The following KHDC1 variants were observed in gnomAD, a reference collection of about 807,000 sequenced individuals.
KHDC1 encodes KH homology domain-containing protein 1.
In KHDC1, 21 loss-of-function variants were observed where a neutral mutation model predicts 24.7. The ratio of observed to expected loss-of-function variants is 0.85; its 90% confidence interval spans 0.60 to 1.23. The LOEUF (loss-of-function observed/expected upper bound fraction) is 1.23. Ranked by LOEUF, KHDC1 falls within the 50% of genes most tolerant of loss-of-function variation. The pLI, the probability that KHDC1 is intolerant of heterozygous loss-of-function variation, is 0.00. For synonymous variants in KHDC1, 98 were observed against 111.7 expected, an observed-to-expected ratio of 0.88 and a Z score of 0.77; for missense variants, 274 against 298.5, an observed-to-expected ratio of 0.92 and a Z score of 0.61.
intron 2 of KHDC1, among the ~76,000 whole-genome samples, chr6:73,285,649 C>CTTTTTTTTTTTTTTTTTTTTTTTTTT (rs539979246): frequency 7.7e-6 from 1 of 130,074 alleles, no homozygotes; most frequent in African/African-American, 2.9e-5. Flanking sequence ...TCTTTTTTTT[C>CTTTTTTTTTTTTTTTTTTTTTTTTTT]TTTTTTTTTT....
intron 1 of KHDC1, among the ~76,000 whole-genome samples, chr6:73,296,339 G>C (rs1767759102): frequency 6.6e-6 from 1 of 151,230 alleles, no homozygotes; most frequent in Admixed American, 6.6e-5. Context: ...TCTAGTCCCA[G>C]CTACTCAGGA....
At chr6:73,259,168 G>T (rs951643062) in intron 2 of KHDC1, among the ~76,000 whole-genome samples, 1 of 151,334 alleles carries the variant, frequency 6.6e-6, no homozygotes, top group Admixed American at 6.6e-5. Flanking sequence ...TTGAGATTCA[G>T]ATAGTGTTTT....
intron 2 of KHDC1, chr6:73,268,376 GC>G (rs1378560099): frequency 6.5e-6 from 1 of 153,652 alleles, no homozygotes; most frequent in Non-Finnish European, 1.4e-5. Context: ...AAGCAGTGTG[GC>G]CCCAAAGAGT....
intron 2 of KHDC1, among the ~76,000 whole-genome samples, chr6:73,254,458 C>T (rs1766841491): frequency 7.6e-6 from 1 of 131,386 alleles, no homozygotes. Context: ...GAGACTCTGT[C>T]TTAAAATAAA....
chr6:73,272,104 C>T (rs115049326), intron 2 of KHDC1, among the ~76,000 whole-genome samples: 2,285 of 151,570 alleles, frequency 0.015, 24 homozygotes, highest in East Asian at 0.056. Context: ...CTCTAAAGGT[C>T]CACCAGAAAA....
chr6:73,270,498 T>C (rs1767159487), intron 2 of KHDC1: 1 of 151,962 alleles, frequency 6.6e-6, no homozygotes. Context: ...AGAAAAATAA[T>C]AATTACATCT....
intron 2 of KHDC1, among the ~76,000 whole-genome samples, chr6:73,266,845 G>A (rs948097029): frequency 1.3e-5 from 2 of 152,154 alleles, no homozygotes; most frequent in Non-Finnish European, 2.9e-5. Context: ...AAAAATATTT[G>A]CAAATCATGT....
At chr6:73,269,693 G>A (rs1246353639) in intron 2 of KHDC1, 2 of 152,124 alleles carry the variant, frequency 1.3e-5, no homozygotes, top group South Asian at 2.1e-4. Context: ...ATTCGATTTA[G>A]GTTGTTAGGT....
At chr6:73,299,885 C>A (rs1198533030) in intron 1 of KHDC1, 1 of 152,290 alleles carries the variant, frequency 6.6e-6, no homozygotes, top group African/African-American at 2.4e-5. Flanking sequence ...GGAGGGGATT[C>A]TTTTCCTGGG....
intron 2 of KHDC1, among the ~76,000 whole-genome samples, chr6:73,272,000 C>CT (rs1767187970): frequency 4.1e-5 from 6 of 145,392 alleles, no homozygotes; most frequent in African/African-American, 1.5e-4. Flanking sequence ...TAGTGTAATC[C>CT]CATTTAAAAA....
At chr6:73,256,590 A>G (rs1011340115) in intron 2 of KHDC1, among the ~76,000 whole-genome samples, 1 of 152,222 alleles carries the variant, frequency 6.6e-6, no homozygotes, top group Admixed American at 6.5e-5. Context: ...TCTGCCAAAC[A>G]TAGCTGGTGT....
intron 2 of KHDC1, among the ~76,000 whole-genome samples, chr6:73,259,936 T>C: frequency 6.6e-6 from 1 of 152,222 alleles, no homozygotes. Context: ...CTTGCTGTAG[T>C]CCTGCCTTCA....
chr6:73,269,325 G>GC (rs1767140284), intron 2 of KHDC1: 1 of 153,062 alleles, frequency 6.5e-6, no homozygotes, highest in South Asian at 2.1e-4. Flanking sequence ...CTCCCACAGT[G>GC]CAGCGGTGGG....
At chr6:73,309,518 A>G in intron 1 of KHDC1, 1 of 1,487,780 alleles carries the variant, frequency 6.7e-7, no homozygotes, top group Non-Finnish European at 8.9e-7. Flanking sequence ...GGGTGAAGGA[A>G]GCTTTTCCTA....
chr6:73,249,405 A>C (rs755006346), intron 2 of KHDC1, among the ~76,000 whole-genome samples: 1 of 152,212 alleles, frequency 6.6e-6, no homozygotes, highest in African/African-American at 2.4e-5. Context: ...TTATTCATGC[A>C]TAATTATGAA....
chr6:73,297,045 C>G (rs1340821808), intron 1 of KHDC1, among the ~76,000 whole-genome samples: 4 of 152,024 alleles, frequency 2.6e-5, no homozygotes, highest in African/African-American at 9.7e-5. Flanking sequence ...AGATTACAGG[C>G]ACGTGCCACC....
chr6:73,290,201 C>T (rs930657554), intron 2 of KHDC1, among the ~76,000 whole-genome samples: 1 of 151,196 alleles, frequency 6.6e-6, no homozygotes, highest in Non-Finnish European at 1.5e-5. Flanking sequence ...CGCTTGAACC[C>T]GGGAGGCAGA....
At chr6:73,254,469 AATAAATAAATAAATAAAT>A (rs1250838943) in intron 2 of KHDC1, among the ~76,000 whole-genome samples, 2 of 26,020 alleles carry the variant, frequency 7.7e-5, no homozygotes, top group East Asian at 9.0e-4. Flanking sequence ...TTAAAATAAA[AATAAATAAATAAATAAAT>A]AAATAAATAA....
intron 2 of KHDC1, among the ~76,000 whole-genome samples, chr6:73,283,702 G>A (rs1200126924): frequency 3.4e-5 from 5 of 147,884 alleles, no homozygotes; most frequent in East Asian, 2.0e-4. Flanking sequence ...GTGCAGTGGC[G>A]CGATCTTGGC....
Sources: allele counts gnomAD v4.1 joint callset (sites outside exome capture counted in the v4.1 genomes callset), GRCh38; gene constraint gnomAD v4.1.1; transcripts MANE v1.5; gene names NCBI Gene and HGNC (gene_info 2026-07-23, HGNC 2026-07-21).